The following GLIS1 variants were observed in gnomAD, a reference collection of about 807,000 sequenced individuals.
GLIS1 encodes GLIS family zinc finger 1.
GLIS1 carries 24 observed loss-of-function variants against 63.8 expected under a neutral mutation model. That is an observed-to-expected ratio of 0.38 (90% CI 0.27 to 0.53). The LOEUF (loss-of-function observed/expected upper bound fraction) is 0.53. GLIS1 is among the 20% of genes least tolerant of loss of function. The pLI, the probability that GLIS1 is intolerant of heterozygous loss-of-function variation, is 0.85. For missense variants in GLIS1, 1,036 were observed against 1,074.1 expected (o/e 0.96, Z 0.50); for synonymous variants, 450 against 482.5 (o/e 0.93, Z 0.88).
chr1:53,583,321 A>G lies in GLIS1; in HGVS notation c.1320+10787T>C, dbSNP rs548952036. On this transcript the variant is annotated intron_variant, in intron 4 of 10. Coordinates refer to ENST00000628545, the MANE Select transcript of GLIS1 (RefSeq NM_001367484.1). Reference sequence around the variant, plus strand: ...CCTGCCCAGGGCCTGACTGTTCCCCAGGAAGATACAAATGTTACTTTTGGC... The same window carrying G: ...CCTGCCCAGGGCCTGACTGTTCCCCGGGAAGATACAAATGTTACTTTTGGC... 1.4e-4 allele frequency among the ~76,000 whole-genome samples: 21 copies of G among 152,348 alleles called. No individual in the cohort carries two copies. In the East Asian group the frequency reaches 2.7e-3, roughly 20 times the overall value.
chr1:53,711,547 G>A (rs188404820), intron 2 of GLIS1, among the ~76,000 whole-genome samples: 20 of 152,234 alleles, frequency 1.3e-4, no homozygotes, highest in African/African-American at 4.6e-4. Flanking sequence ...CAGGGAGCTC[G>A]GGCCCCGGGG....
At chr1:53,559,364 C>T (rs1178766252) in intron 4 of GLIS1, among the ~76,000 whole-genome samples, 2 of 152,186 alleles carry the variant, frequency 1.3e-5, no homozygotes, top group East Asian at 1.9e-4. Flanking sequence ...AATCCCAGCA[C>T]TGTCCCGGGG....
intron 2 of GLIS1, among the ~76,000 whole-genome samples, chr1:53,676,628 G>T (rs1646215686): frequency 6.6e-6 from 1 of 152,106 alleles, no homozygotes. Context: ...CCCCAGCCCT[G>T]CCACAGACAT....
chr1:53,674,774 C>T (rs377209262), intron 2 of GLIS1, among the ~76,000 whole-genome samples: 4 of 152,280 alleles, frequency 2.6e-5, no homozygotes, highest in African/African-American at 9.6e-5. Flanking sequence ...TGAAGTCATT[C>T]ACATAAGGGA....
At chr1:53,624,373 C>T (rs957257057) in intron 2 of GLIS1, among the ~76,000 whole-genome samples, 2 of 152,136 alleles carry the variant, frequency 1.3e-5, no homozygotes, top group African/African-American at 2.4e-5. Flanking sequence ...TCTCACACCA[C>T]ACATGAAAAT....
intron 4 of GLIS1, among the ~76,000 whole-genome samples, chr1:53,570,283 TAAA>T (rs112167168): frequency 1.1e-4 from 16 of 146,412 alleles, no homozygotes; most frequent in African/African-American, 4.0e-4. Flanking sequence ...TTGGCTAATT[TAAA>T]AAAAAAAAAA....
At chr1:53,567,538 A>G (rs534312633) in intron 4 of GLIS1, among the ~76,000 whole-genome samples, 2 of 152,372 alleles carry the variant, frequency 1.3e-5, no homozygotes, top group Admixed American at 6.5e-5. Context: ...GAATGTTAAT[A>G]GCCAAGACAA....
At chr1:53,637,937 G>A (rs564966167) in intron 2 of GLIS1, among the ~76,000 whole-genome samples, 99 of 152,356 alleles carry the variant, frequency 6.5e-4, no homozygotes, top group South Asian at 2.3e-3. Flanking sequence ...GTGTTTCTGG[G>A]GCCTGGCTGG....
intron 2 of GLIS1, among the ~76,000 whole-genome samples, chr1:53,693,185 C>T (rs1646426338): frequency 6.6e-6 from 1 of 152,210 alleles, no homozygotes; most frequent in Non-Finnish European, 1.5e-5. Flanking sequence ...ATCCTCCCTA[C>T]AGCCCCTTCT....
chr1:53,613,106 C>T (rs983001437), intron 2 of GLIS1, among the ~76,000 whole-genome samples: 1 of 152,118 alleles, frequency 6.6e-6, no homozygotes, highest in African/African-American at 2.4e-5. Context: ...GGCGTGAGCC[C>T]AGCCAGTTCT....
chr1:53,652,558 G>A (rs1023184592), intron 2 of GLIS1, among the ~76,000 whole-genome samples: 5 of 152,176 alleles, frequency 3.3e-5, no homozygotes, highest in African/African-American at 1.2e-4. Context: ...CTATGACCAT[G>A]AGCCCCTGGA....
intron 2 of GLIS1, among the ~76,000 whole-genome samples, chr1:53,635,359 C>G (rs1240423201): frequency 6.6e-6 from 1 of 151,998 alleles, no homozygotes; most frequent in Admixed American, 6.6e-5. Flanking sequence ...ACATGGCCTA[C>G]AACCGGAATC....
In GLIS1 at chr1:53,561,720, C is replaced by A. The variant is rs1406479294; in HGVS notation, c.1321-31768G>T. Among the ~76,000 whole-genome samples the A allele has an allele frequency of 2.0e-5, 3 of 152,118 alleles. No individual in the cohort carries two copies. In the East Asian group the frequency reaches 5.8e-4, roughly 29 times the overall value. The stretch of plus-strand genomic sequence containing the variant: ...GGCAGAGGTCGAAGAGCCAGTGGGC[C>A]CAGCAGTTCATGGAGAGTCATCCCG... On this transcript the variant is annotated intron_variant, in intron 4 of 10. Transcript: ENST00000628545.
intron 7 of GLIS1, among the ~76,000 whole-genome samples, chr1:53,520,429 C>T (rs372641256): frequency 6.6e-6 from 1 of 152,248 alleles, no homozygotes; most frequent in African/African-American, 2.4e-5. Flanking sequence ...GTGAAGGAAA[C>T]GTCCACCTAG....
chr1:53,521,618 G>A (rs1436583694), intron 6 of GLIS1, among the ~76,000 whole-genome samples: 3 of 152,220 alleles, frequency 2.0e-5, no homozygotes, highest in African/African-American at 4.8e-5. Flanking sequence ...GGGTGGCAGA[G>A]CTCCAGCTGG....
chr1:53,709,377 C>CATAT (rs1205744427), intron 2 of GLIS1, among the ~76,000 whole-genome samples: 1 of 59,002 alleles, frequency 1.7e-5, no homozygotes, highest in African/African-American at 7.0e-5. Context: ...TATATATATA[C>CATAT]ATATATACAT....
intron 4 of GLIS1, among the ~76,000 whole-genome samples, chr1:53,586,883 G>T (rs1262959464): frequency 6.6e-6 from 1 of 152,182 alleles, no homozygotes. Flanking sequence ...CCTAGGGAGG[G>T]GACTCAGCTC....
chr1:53,518,058 C>T (rs1249952525), intron 7 of GLIS1, among the ~76,000 whole-genome samples: 1 of 152,234 alleles, frequency 6.6e-6, no homozygotes, highest in Non-Finnish European at 1.5e-5. Context: ...TAACCTCTGG[C>T]CCTAACATCT....
intron 2 of GLIS1, among the ~76,000 whole-genome samples, chr1:53,703,247 C>G (rs1646543267): frequency 6.6e-6 from 1 of 152,190 alleles, no homozygotes; most frequent in South Asian, 2.1e-4. Flanking sequence ...CTATTATTAT[C>G]TCTATTTCAC....
Sources: gnomAD v4.1 joint callset for allele counts (sites outside exome capture counted in the v4.1 genomes callset) on GRCh38, gnomAD v4.1.1 for gene constraint, MANE v1.5 for transcripts, NCBI Gene and HGNC (gene_info 2026-07-23, HGNC 2026-07-21) for gene names.